The following DPP6 variants were observed in gnomAD, a reference collection of about 807,000 sequenced individuals.
DPP6 encodes dipeptidyl peptidase like 6.
In DPP6, 69 loss-of-function variants were observed where a neutral mutation model predicts 122.6. The observed-to-expected ratio is 0.56, with a 90% CI of 0.46 to 0.69. DPP6 has a LOEUF of 0.69. DPP6 is among the 30% of genes least tolerant of loss of function. The pLI is 0.00. For synonymous variants in DPP6, 418 were observed against 433.1 expected, an observed-to-expected ratio of 0.97 and a Z score of 0.43; for missense variants, 928 against 1,116.9, an observed-to-expected ratio of 0.83 and a Z score of 2.41.
At chr7:154,014,033 G>T (rs1350044070) in intron 1 of DPP6, among the ~76,000 whole-genome samples, 1 of 152,144 alleles carries the variant, frequency 6.6e-6, no homozygotes, top group Admixed American at 6.5e-5. Context: ...GCCCTGGCCA[G>T]TGCAGCTCTT....
chr7:154,277,550 G>T (rs749184451), intron 1 of DPP6, among the ~76,000 whole-genome samples: 1 of 152,172 alleles, frequency 6.6e-6, no homozygotes, highest in African/African-American at 2.4e-5. Flanking sequence ...GATCACTTCA[G>T]GTCAGGAGTT....
the DPP6 span, among the ~76,000 whole-genome samples, chr7:153,802,324 C>T: frequency 1.3e-5 from 2 of 152,208 alleles, no homozygotes; most frequent in African/African-American, 4.8e-5. Flanking sequence ...CAGCGCTCAC[C>T]TGTGCCTACT....
intron 1 of DPP6, among the ~76,000 whole-genome samples, chr7:154,019,560 C>T (rs190947309): frequency 2.4e-4 from 37 of 152,166 alleles, no homozygotes; most frequent in African/African-American, 7.9e-4. Context: ...TAACTAGCTT[C>T]AATAGCTGAT....
chr7:154,717,827 C>T (rs760129037), intron 7 of DPP6, among the ~76,000 whole-genome samples: 5 of 152,156 alleles, frequency 3.3e-5, no homozygotes, highest in Non-Finnish European at 5.9e-5. Flanking sequence ...AACCTCCATA[C>T]TTGTTTCCCT....
At chr7:154,197,354 G>A (rs1798922270) in intron 1 of DPP6, among the ~76,000 whole-genome samples, 1 of 152,018 alleles carries the variant, frequency 6.6e-6, no homozygotes. Context: ...GCCTCTGTGT[G>A]CTCTGTGCTC....
At chr7:154,832,886 C>T (rs1274140928) in intron 16 of DPP6, among the ~76,000 whole-genome samples, 1 of 152,248 alleles carries the variant, frequency 6.6e-6, no homozygotes, top group African/African-American at 2.4e-5. Flanking sequence ...CACCACATCG[C>T]CACTGCCACA....
At chr7:154,200,003 T>G (rs1799087275) in intron 1 of DPP6, among the ~76,000 whole-genome samples, 1 of 152,166 alleles carries the variant, frequency 6.6e-6, no homozygotes, top group Non-Finnish European at 1.5e-5. Flanking sequence ...GCTGCTGGGC[T>G]TAGCAGTCTC....
At chr7:154,430,447 A>G (rs1054786472) in intron 1 of DPP6, among the ~76,000 whole-genome samples, 2 of 152,026 alleles carry the variant, frequency 1.3e-5, no homozygotes, top group African/African-American at 2.4e-5. Context: ...GTAGATGGCT[A>G]TTTTCTTGTA....
chr7:153,930,445 G>C (rs968645245), intron 1 of DPP6, among the ~76,000 whole-genome samples: 1 of 150,818 alleles, frequency 6.6e-6, no homozygotes, highest in Non-Finnish European at 1.5e-5. Flanking sequence ...GGCTCCTATT[G>C]TATTGTATTG....
chr7:154,255,535 A>T (rs1417983754), intron 1 of DPP6, among the ~76,000 whole-genome samples: 1 of 151,998 alleles, frequency 6.6e-6, no homozygotes, highest in Non-Finnish European at 1.5e-5. Context: ...GCCAGGAGGG[A>T]GCAGGTGTTA....
chr7:154,889,394 C>T lies in DPP6; in HGVS notation c.2377+50C>T, dbSNP rs1308913659. 12 of 1,607,248 alleles carry T rather than the reference C, an allele frequency of 7.5e-6. No individual in the cohort carries two copies. The East Asian group carries it at 2.2e-4, about 30-fold the overall frequency. On this transcript the variant is annotated intron_variant, in intron 24 of 25. Coordinates refer to ENST00000377770, the MANE Select transcript of DPP6 (RefSeq NM_130797.4). ...CTGTGTATCTAGTAAGAGCCTCCTC[C>T]TTGATGGCACCATGGGTTTTAACAA...
rs1363824999 is a variant in DPP6, at chr7:154,624,844, C to A, written c.628-12977C>A. 2.0e-5 allele frequency among the ~76,000 whole-genome samples: 3 copies of A among 152,184 alleles called. No individual in the cohort carries two copies. Among genetic ancestry groups the A allele is most frequent in the Non-Finnish European group, 4.4e-5 (3 of 68,030 alleles). On this transcript the variant is annotated intron_variant, in intron 5 of 25. Coordinates refer to ENST00000377770, the MANE Select transcript of DPP6 (RefSeq NM_130797.4). This position sits in a 1 kb window ranked among gnomAD's most constrained non-coding sequence, Gnocchi z 4.7. ...GGCTATGCTAACAGAAGCAGGCACA[C>A]AGCGGCCCCGTCTTCCTCCCATCTG...
chr7:154,582,920 T>G (rs1832172884), intron 5 of DPP6, among the ~76,000 whole-genome samples: 1 of 152,138 alleles, frequency 6.6e-6, no homozygotes, highest in Non-Finnish European at 1.5e-5. Context: ...AAGGTATGAG[T>G]GTCTTCCCCA....
intron 1 of DPP6, among the ~76,000 whole-genome samples, chr7:154,376,573 G>A (rs997345233): frequency 6.6e-5 from 10 of 152,176 alleles, no homozygotes; most frequent in Admixed American, 3.3e-4. Flanking sequence ...TATGTGAACC[G>A]AATGAGAAAC....
chr7:153,998,985 G>T (rs1442269875), intron 1 of DPP6, among the ~76,000 whole-genome samples: 1 of 152,238 alleles, frequency 6.6e-6, no homozygotes, highest in Non-Finnish European at 1.5e-5. Context: ...AAGAGCTTCT[G>T]TGAGACTCTC....
chr7:153,915,451 A>G (rs1286072373), intron 1 of DPP6, among the ~76,000 whole-genome samples: 1 of 152,250 alleles, frequency 6.6e-6, no homozygotes, highest in Non-Finnish European at 1.5e-5. Flanking sequence ...TCCTAGGGCC[A>G]TGTCCTACTC....
chr7:153,926,814 GA>G (rs940624318), intron 1 of DPP6, among the ~76,000 whole-genome samples: 6,377 of 147,630 alleles, frequency 0.043, 209 homozygotes, highest in Middle Eastern at 0.06. Flanking sequence ...GTAAAAAAAA[GA>G]AAAAAAAAAA....
chr7:154,178,259 T>C (rs1421408028), intron 1 of DPP6, among the ~76,000 whole-genome samples: 1 of 152,188 alleles, frequency 6.6e-6, no homozygotes. Flanking sequence ...AAATTTAGCA[T>C]CCACCATTTG....
chr7:154,108,962 AG>A (rs1237340891), intron 1 of DPP6, among the ~76,000 whole-genome samples: 1 of 152,224 alleles, frequency 6.6e-6, no homozygotes, highest in African/African-American at 2.4e-5. Context: ...TTTTTAAAAA[AG>A]CTTCTGTTTT....
Sources: gnomAD v4.1 joint callset for allele counts (sites outside exome capture counted in the v4.1 genomes callset) on GRCh38, gnomAD v4.1.1 for gene constraint, Gnocchi (gnomAD v3.1) non-coding constraint, MANE v1.5 for transcripts, NCBI Gene and HGNC (gene_info 2026-07-23, HGNC 2026-07-21) for gene names.